SLC17A6: variants seen among roughly 807,000 people sequenced by gnomAD.
The protein encoded by SLC17A6 is vesicular glutamate transporter 2.
SLC17A6 carries 35 observed loss-of-function variants against 67.1 expected under a neutral mutation model. The observed-to-expected ratio is 0.52, with a 90% confidence interval of 0.40 to 0.69. The LOEUF (loss-of-function observed/expected upper bound fraction) is 0.69. Among genes scored for constraint, SLC17A6 ranks in the 30% least tolerant of loss-of-function variants. The pLI, the probability that SLC17A6 is intolerant of heterozygous loss-of-function variation, is 0.00. For missense variants in SLC17A6, 588 were observed against 723.9 expected, an observed-to-expected ratio of 0.81 and a Z score of 2.15; for synonymous variants, 285 against 252.3, an observed-to-expected ratio of 1.13 and a Z score of -1.23.
At chr11:22,347,068 C>T (rs1855885521) in intron 3 of SLC17A6, among the ~76,000 whole-genome samples, 1 of 151,704 alleles carries the variant, frequency 6.6e-6, no homozygotes, top group South Asian at 2.1e-4. Flanking sequence ...TTACATGGCA[C>T]TTATCACCAC....
intron 1 of SLC17A6, among the ~76,000 whole-genome samples, chr11:22,341,253 C>T (rs750640619): frequency 2.0e-5 from 3 of 152,146 alleles, no homozygotes; most frequent in Non-Finnish European, 2.9e-5. Flanking sequence ...ATCAGAGCGC[C>T]CAGGGGTGGA....
At chr11:22,368,928 A>G (rs960226182) in intron 7 of SLC17A6, among the ~76,000 whole-genome samples, 2 of 151,964 alleles carry the variant, frequency 1.3e-5, no homozygotes, top group Non-Finnish European at 2.9e-5. Context: ...ATTTATGATC[A>G]CCACATCATA....
At chr11:22,344,375 C>T (rs1210443481) in intron 3 of SLC17A6, among the ~76,000 whole-genome samples, 1 of 152,138 alleles carries the variant, frequency 6.6e-6, no homozygotes, top group African/African-American at 2.4e-5. Flanking sequence ...CTGGGCACAC[C>T]TCATCTCTCA....
At position 22,359,447 on chromosome 11, in the gene SLC17A6, C is replaced by T; in HGVS notation, c.493C>T (p.Leu165=). Residue 165 remains leucine (L), a synonymous_variant, in exon 4 of 12, where the codon CTA becomes TTA. Transcript: ENST00000263160. ...FGAAILLTST[L]NMLIPSAARV... ...AGCTGCCATACTTCTTACCTCTACCCTAAATATGCTAATTCCATCAGCAGC... is the reference window on the plus strand; with the variant it reads ...AGCTGCCATACTTCTTACCTCTACCTTAAATATGCTAATTCCATCAGCAGC... The T allele has an allele frequency of 6.2e-7, 1 of 1,601,428 alleles. No individual in the cohort carries two copies. Among genetic ancestry groups the T allele is most frequent in the Non-Finnish European group, 8.5e-7 (1 of 1,173,486 alleles).
Position 22,365,608 on chromosome 11 carries a change from G to T in SLC17A6, c.810G>T (p.Lys270Asn). 6.2e-7 allele frequency: 1 copy of T among 1,613,980 alleles called. No individual in the cohort carries two copies. Among genetic ancestry groups the T allele is most frequent in the Non-Finnish European group, 8.5e-7 (1 of 1,179,888 alleles). The change falls in exon 7 of 12, where the codon AAG becomes AAT. Residue 270 changes from lysine (K) to asparagine (N), a missense_variant. By Grantham distance (94) the Lys-to-Asn change is moderately conservative (BLOSUM62 0). Around this residue, in one of 4 missense-constraint regions of SLC17A6, gnomAD observed 414 missense variants for 563.4 expected, o/e 0.73. Transcript: ENST00000263160. ...TGGTGTCTTATGAAAGTCCTGCAAA[G>T]CATCCTACTATTACAGATGAAGAAC... ...WLLVSYESPA[K>N]HPTITDEERR... is the part of the protein sequence containing the mutation.
chr11:22,351,012 A>T lies in SLC17A6; in HGVS notation c.458+7647A>T, dbSNP rs115903943. The stretch of plus-strand genomic sequence containing the variant: ...TTTACAATTTAAAAAATCAAAAAAT[A>T]AATATTTAATTTTACAAAATGTATT... On this transcript the variant is annotated intron_variant, in intron 3 of 11. Coordinates refer to ENST00000263160, the MANE Select transcript of SLC17A6 (RefSeq NM_020346.3). Among the ~76,000 whole-genome samples the T allele has an allele frequency of 7.9e-3, 1,204 of 152,232 alleles. 11 individuals carry two copies. The highest frequency in any genetic ancestry group is 0.027 in the African/African-American group (1,103 of 41,560).
At chr11:22,345,715 A>G (rs1333295338) in intron 3 of SLC17A6, among the ~76,000 whole-genome samples, 1 of 152,198 alleles carries the variant, frequency 6.6e-6, no homozygotes, top group African/African-American at 2.4e-5. Context: ...CTTCATTTTG[A>G]AAATATAACA....
intron 11 of SLC17A6, 109 bp downstream of exon 11, chr11:22,376,781 T>G: frequency 9.1e-7 from 1 of 1,095,822 alleles, no homozygotes. Flanking sequence ...TCTTGTCCAG[T>G]CACCACATCT....
intron 10 of SLC17A6, 23 bp from the exon 11 acceptor site, chr11:22,376,522 C>G (rs1856234436): frequency 1.2e-6 from 2 of 1,613,474 alleles, no homozygotes; most frequent in Non-Finnish European, 1.7e-6. Flanking sequence ...TGCCCTGAGT[C>G]AAAACTTATG....
chr11:22,376,125 A>G (rs1184065122), intron 10 of SLC17A6, 33 bp downstream of exon 10: 11 of 1,487,640 alleles, frequency 7.4e-6, no homozygotes, highest in Non-Finnish European at 1.0e-5. Context: ...TGTACTTGGG[A>G]CATTCTGATT....
At chr11:22,351,161 A>G (rs1250516849) in intron 3 of SLC17A6, among the ~76,000 whole-genome samples, 1 of 152,162 alleles carries the variant, frequency 6.6e-6, no homozygotes, top group Non-Finnish European at 1.5e-5. Flanking sequence ...TGAATCAAAT[A>G]ATAAGTATAT....
At chr11:22,345,486 T>A (rs994246055) in intron 3 of SLC17A6, among the ~76,000 whole-genome samples, 1 of 152,024 alleles carries the variant, frequency 6.6e-6, no homozygotes, top group Admixed American at 6.6e-5. Flanking sequence ...AATTTTTTTA[T>A]AGAAAAAAAT....
chr11:22,341,764 G>A lies in SLC17A6; in HGVS notation c.323G>A (p.Gly108Asp), dbSNP rs569834534. The change falls in exon 2 of 12, where the codon GGC becomes GAC. Residue 108 changes from glycine to aspartate, a missense_variant. Physicochemically the swap from Gly to Asp is moderately conservative, Grantham distance 94. This residue lies in a region of SLC17A6 where 48 missense variants were observed against 36.5 expected (regional missense o/e 1.32). Coordinates refer to ENST00000263160, the MANE Select transcript of SLC17A6 (RefSeq NM_020346.3). The part of the protein sequence containing the change: ...MVNNSTIHRG[G>D]KVIKEKAKFN... Reference sequence around the variant, plus strand: ...AACAACAGCACCATCCACCGCGGGGGCAAGGTCATCAAGGAGGTGGGCAAC... The same window carrying A: ...AACAACAGCACCATCCACCGCGGGGACAAGGTCATCAAGGAGGTGGGCAAC... 94 of 1,614,114 alleles carry A rather than the reference G, an allele frequency of 5.8e-5. No homozygotes were observed. The South Asian group carries it at 9.4e-4, about 16-fold the overall frequency.
At chr11:22,347,878 T>C (rs542755016) in intron 3 of SLC17A6, among the ~76,000 whole-genome samples, 15 of 152,326 alleles carry the variant, frequency 9.8e-5, no homozygotes, top group Admixed American at 4.6e-4. Flanking sequence ...TAGTTTATTT[T>C]CCCCTACCGT....
At chr11:22,375,024 T>A in intron 9 of SLC17A6, 137 bp downstream of exon 9, 1 of 876,068 alleles carries the variant, frequency 1.1e-6, no homozygotes, top group Non-Finnish European at 1.7e-6. Flanking sequence ...TTAAAATAAC[T>A]TCCTCATATT....
chr11:22,339,061 T>TTATA (rs59446847), intron 1 of SLC17A6, among the ~76,000 whole-genome samples: 11 of 123,794 alleles, frequency 8.9e-5, no homozygotes, highest in South Asian at 2.5e-4. Flanking sequence ...GAGTAATGGT[T>TTATA]TATATATATA....
rs1054021308 is a variant in SLC17A6, at chr11:22,378,330, A to G, written c.*590A>G. ...AAAGGAATATCTTGCAGTGTTTTCT[A>G]TGAAATGCTTGGGCACAAACACTTA... On this transcript the variant is annotated 3_prime_UTR_variant, in exon 12 of 12. Transcript: ENST00000263160. 6.5e-6 allele frequency: 1 copy of G among 152,720 alleles called. No individual in the cohort carries two copies. Among genetic ancestry groups the G allele is most frequent in the Non-Finnish European group, 1.5e-5 (1 of 68,086 alleles). 9.5% of individuals were successfully genotyped at this position (152,720 alleles called of 1,614,324 possible).
At chr11:22,344,550 C>G (rs964840627) in intron 3 of SLC17A6, among the ~76,000 whole-genome samples, 1 of 152,098 alleles carries the variant, frequency 6.6e-6, no homozygotes, top group Admixed American at 6.5e-5. Flanking sequence ...TTTAAAATGT[C>G]AAGAGGAGAG....
rs767888384 is a variant in SLC17A6, at chr11:22,362,822, T to C, written c.745T>C (p.Tyr249His). Residue 249 changes from tyrosine (Y) to histidine (H), a missense_variant, in exon 6 of 12, where the codon TAC becomes CAC. Around this residue, in one of 4 missense-constraint regions of SLC17A6, gnomAD observed 414 missense variants for 563.4 expected, o/e 0.73. Transcript: ENST00000263160. ...TGGCTGGTCTTCAGTGTTTTATGTC[T>C]ACGGTATGTTATATTTCTATGCAAT... ...YTGWSSVFYV[Y>H]GSFGMVWYMF... The C allele has an allele frequency of 6.2e-7, 1 of 1,612,250 alleles. No homozygotes were observed. Among genetic ancestry groups the C allele is most frequent in the African/African-American group, 1.3e-5 (1 of 74,896 alleles).
Sources: gnomAD v4.1 joint callset for allele counts (sites outside exome capture counted in the v4.1 genomes callset) on GRCh38, gnomAD v4.1.1 for gene constraint, gnomAD v4.1.1 regional missense constraint, MANE v1.5 for transcripts, NCBI Gene and HGNC (gene_info 2026-07-23, HGNC 2026-07-21) for gene names.